AXDND1: variants seen among roughly 807,000 people sequenced by gnomAD.
AXDND1 encodes the protein axonemal dynein light chain domain containing 1.
In AXDND1, 110 loss-of-function variants were observed where a neutral mutation model predicts 137.5. The ratio of observed to expected loss-of-function variants is 0.80; its 90% CI spans 0.69 to 0.94. The LOEUF (loss-of-function observed/expected upper bound fraction) is 0.94, where lower values mean the gene tolerates loss of function less well. Among genes scored for constraint, AXDND1 ranks in the 40% least tolerant of loss-of-function variants. The probability of loss-of-function intolerance (pLI) is 0.00; values close to 1 mark genes in which losing one functional copy is unlikely to be tolerated. For synonymous variants in AXDND1, 414 were observed against 399.7 expected (o/e 1.04, Z -0.43); for missense variants, 1,191 against 1,169.8 (o/e 1.02, Z -0.26).
In AXDND1 at chr1:179,483,147, T is replaced by C; in HGVS notation, c.2017T>C (p.Phe673Leu). 6.2e-7 allele frequency: 1 copy of C among 1,606,480 alleles called. No homozygotes were observed. Residue 673 changes from phenylalanine (F) to leucine (L), a missense_variant, in exon 18 of 26, where the codon TTT becomes CTT. Phe to Leu is a conservative substitution (Grantham distance 22). Coordinates refer to ENST00000367618, the MANE Select transcript of AXDND1 (RefSeq NM_144696.6). ...DSVSVLQAYI[F>L]NMIQQWLLKI... ...CTTCAGGGTACTCCAAGCGTATATA[T>C]TTAACATGATTCAACAATGGCTTTT... is the stretch of plus-strand genomic sequence containing the variant.
chr1:179,424,193 C>A (rs1346772647), intron 12 of AXDND1, among the ~76,000 whole-genome samples: 1 of 152,022 alleles, frequency 6.6e-6, no homozygotes, highest in African/African-American at 2.4e-5. Context: ...TCTCTCCTTC[C>A]TGCCCTGTAT....
At chr1:179,470,464 T>C (rs1220202228) in intron 17 of AXDND1, among the ~76,000 whole-genome samples, 1 of 152,200 alleles carries the variant, frequency 6.6e-6, no homozygotes, top group Admixed American at 6.5e-5. Flanking sequence ...TTTCCAATTA[T>C]TTGGATCTTC....
At chr1:179,399,416 C>G (rs1280038067) in intron 11 of AXDND1, among the ~76,000 whole-genome samples, 1 of 152,170 alleles carries the variant, frequency 6.6e-6, no homozygotes, top group African/African-American at 2.4e-5. Flanking sequence ...TCACCTTATA[C>G]AAAAATCAAC....
At chr1:179,546,720 C>T (rs948514239) in intron 25 of AXDND1, among the ~76,000 whole-genome samples, 2 of 152,092 alleles carry the variant, frequency 1.3e-5, no homozygotes, top group East Asian at 1.9e-4. Context: ...CCTGTAGTGC[C>T]GAGTTGGTAC....
At chr1:179,472,794 C>T (rs1013295560) in intron 17 of AXDND1, among the ~76,000 whole-genome samples, 3 of 152,190 alleles carry the variant, frequency 2.0e-5, no homozygotes, top group Admixed American at 2.0e-4. Context: ...TCTATTTTAT[C>T]TGCTATCAGT....
chr1:179,471,145 C>G (rs1341492372), intron 17 of AXDND1, among the ~76,000 whole-genome samples: 1 of 152,154 alleles, frequency 6.6e-6, no homozygotes, highest in Non-Finnish European at 1.5e-5. Flanking sequence ...ATTCTGTTTG[C>G]TAGTCTTTGC....
intron 20 of AXDND1, among the ~76,000 whole-genome samples, chr1:179,503,861 G>A (rs72704447): frequency 0.061 from 9,240 of 152,194 alleles, 334 homozygotes; most frequent in Non-Finnish European, 0.07. Flanking sequence ...CTTTCAAGGA[G>A]TAGGGTAATC....
intron 18 of AXDND1, among the ~76,000 whole-genome samples, chr1:179,488,125 C>T (rs1666298876): frequency 6.8e-6 from 1 of 146,684 alleles, no homozygotes; most frequent in Non-Finnish European, 1.5e-5. Flanking sequence ...TTGTCTAAAA[C>T]ATTAGACAGT....
intron 23 of AXDND1, among the ~76,000 whole-genome samples, chr1:179,529,124 G>A (rs1670821463): frequency 6.6e-6 from 1 of 152,202 alleles, no homozygotes; most frequent in African/African-American, 2.4e-5. Context: ...TTGGTTGTAG[G>A]ACCATGGTAG....
At position 179,522,848 on chromosome 1, in the gene AXDND1, A is replaced by G. The variant is rs566339701; in HGVS notation, c.2497-2486A>G. Among the ~76,000 whole-genome samples, 11 of 91,982 alleles carry G rather than the reference A, an allele frequency of 1.2e-4. 1 individual carries two copies. The South Asian group carries it at 3.8e-3, about 32-fold the overall frequency. 60.3% of individuals were successfully genotyped at this position (91,982 alleles called of 152,430 possible). ...ATCCTAATTTTTTAGTCACATTGTG[A>G]CTATTTTTCTATACTGTACACATAT... On this transcript the variant is annotated intron_variant, in intron 21 of 25. Coordinates refer to ENST00000367618, the MANE Select transcript of AXDND1 (RefSeq NM_144696.6).
At chr1:179,530,900 A>G (rs943546964) in intron 23 of AXDND1, among the ~76,000 whole-genome samples, 10 of 152,274 alleles carry the variant, frequency 6.6e-5, no homozygotes, top group Admixed American at 3.3e-4. Context: ...CACAGACACA[A>G]TCAATTAGCT....
chr1:179,468,717 C>T, intron 17 of AXDND1, 76 bp downstream of exon 17: 1 of 1,214,124 alleles, frequency 8.2e-7, no homozygotes, highest in Non-Finnish European at 1.1e-6. Context: ...ATATATAATT[C>T]ACTTTTTCAA....
At chr1:179,448,505 A>G (rs1005438381) in intron 16 of AXDND1, 2 of 386,404 alleles carry the variant, frequency 5.2e-6, no homozygotes, top group South Asian at 2.5e-5. Context: ...ATTTTCTTCA[A>G]TACCGTAATG....
chr1:179,432,211 G>C, intron 14 of AXDND1, 56 bp from the exon 15 acceptor site: 1 of 1,473,124 alleles, frequency 6.8e-7, no homozygotes, highest in South Asian at 1.3e-5. Context: ...GTGAACTGAT[G>C]ATCTTGTTTA....
chr1:179,457,815 A>G (rs375352816), intron 16 of AXDND1, among the ~76,000 whole-genome samples: 6 of 152,228 alleles, frequency 3.9e-5, no homozygotes, highest in African/African-American at 1.4e-4. Flanking sequence ...GAGTATTTAG[A>G]GATCGTTTTA....
At chr1:179,407,909 G>A (rs1653232738) in intron 11 of AXDND1, among the ~76,000 whole-genome samples, 1 of 152,112 alleles carries the variant, frequency 6.6e-6, no homozygotes, top group Non-Finnish European at 1.5e-5. Flanking sequence ...ACTTTATGGT[G>A]TCCCATATAT....
At chr1:179,506,472 C>T (rs1183392922) in intron 20 of AXDND1, among the ~76,000 whole-genome samples, 1 of 152,178 alleles carries the variant, frequency 6.6e-6, no homozygotes, top group Non-Finnish European at 1.5e-5. Flanking sequence ...GTAGCTCACA[C>T]CTGTAATCCC....
At chr1:179,501,807 A>G (rs931071641) in intron 20 of AXDND1, among the ~76,000 whole-genome samples, 1 of 152,182 alleles carries the variant, frequency 6.6e-6, no homozygotes, top group Non-Finnish European at 1.5e-5. Flanking sequence ...ACTTCACACA[A>G]AAATCAATTC....
intron 25 of AXDND1, among the ~76,000 whole-genome samples, chr1:179,547,549 G>A (rs1345563114): frequency 2.0e-5 from 3 of 152,178 alleles, no homozygotes; most frequent in Non-Finnish European, 4.4e-5. Flanking sequence ...GTGCCATTCT[G>A]CCAGGACAAT....
Sources: allele counts gnomAD v4.1 joint callset (sites outside exome capture counted in the v4.1 genomes callset), GRCh38; gene constraint gnomAD v4.1.1; transcripts MANE v1.5; gene names NCBI Gene and HGNC (gene_info 2026-07-23, HGNC 2026-07-21).